Variants in ACOT8 observed in about 807,000 individuals in gnomAD.
ACOT8 encodes acyl-CoA thioesterase 8.
In ACOT8, 31 loss-of-function variants were observed where a neutral mutation model predicts 38.4. The observed-to-expected ratio is 0.81, with a 90% CI of 0.61 to 1.09. The LOEUF (loss-of-function observed/expected upper bound fraction) is 1.09, where lower values mean the gene tolerates loss of function less well. ACOT8 is among the 50% of genes least tolerant of loss of function. The pLI is 0.00. For missense variants in ACOT8, 373 were observed against 421.8 expected (o/e 0.88, Z 1.01); for synonymous variants, 158 against 170.3 (o/e 0.93, Z 0.56).
intron 2 of ACOT8, chr20:45,849,193 A>G (rs1984897952): frequency 6.6e-6 from 1 of 152,562 alleles, no homozygotes. Context: ...TAGATCAGGG[A>G]GCAGTAAATC....
At chr20:45,842,571 G>A in intron 5 of ACOT8, 11 of 995,654 alleles carry the variant, frequency 1.1e-5, no homozygotes, top group Non-Finnish European at 1.3e-5. Flanking sequence ...TCCCCATCTG[G>A]AGACTCTTTC....
chr20:45,855,920 C>T (rs1400852116), intron 1 of ACOT8, among the ~76,000 whole-genome samples: 1 of 152,162 alleles, frequency 6.6e-6, no homozygotes. Context: ...TGTCTCTAGC[C>T]TCCCACGTCC....
chr20:45,843,643 G>C lies in ACOT8; in HGVS notation c.725C>G (p.Pro242Arg), dbSNP rs1318711288. The C allele has an allele frequency of 6.2e-7, 1 of 1,613,836 alleles. No homozygotes were observed. Among genetic ancestry groups the C allele is most frequent in the Non-Finnish European group, 8.5e-7 (1 of 1,179,760 alleles). ...DYAFLGTALL[P>R]HQWQHKVHFM... ...GTGCACCTTGTGCTGCCACTGGTGA[G>C]GCAGCAGTGCAGTGCCCAAGAAGGC... The change falls in exon 5 of 6, where the codon CCT becomes CGT. Residue 242 changes from proline to arginine, a missense_variant. By Grantham distance (103) the Pro-to-Arg change is moderately radical (BLOSUM62 -2). Transcript: ENST00000217455.
At chr20:45,843,930 C>T in intron 4 of ACOT8, 3 of 1,067,136 alleles carry the variant, frequency 2.8e-6, no homozygotes, top group Non-Finnish European at 3.9e-6. Context: ...ATTCAGTCTT[C>T]ACCACCCAAG....
chr20:45,848,813 G>T, intron 2 of ACOT8, 138 bp from the exon 3 acceptor site: 1 of 702,638 alleles, frequency 1.4e-6, no homozygotes, highest in Non-Finnish European at 2.2e-6. Context: ...CCAGGCCCAG[G>T]GATACAGAGA....
In ACOT8 at chr20:45,843,868, G is replaced by A. The variant is rs1166849511; in HGVS notation, c.647-147C>T. ...TGGCCTACAGTGTGTGTGTGTGATA[G>A]GGGAGAAGTGAGATGGCGACTTGGG... On this transcript the variant is annotated intron_variant, in intron 4 of 5. Transcript: ENST00000217455. 3 of 1,423,638 alleles carry A rather than the reference G, an allele frequency of 2.1e-6. No homozygotes were observed. The East Asian group carries it at 7.5e-5, about 36-fold the overall frequency. The allele number at this position is 1,423,638 out of a possible 1,614,324, so 88.2% of individuals were successfully genotyped here.
rs372337546 is a variant in ACOT8 at position 45,843,687 on chromosome 20, G to A, written c.681C>T (p.Ala227=). Residue 227 remains alanine, a synonymous_variant, in exon 5 of 6, where the codon GCC becomes GCT. Coordinates refer to ENST00000217455, the MANE Select transcript of ACOT8 (RefSeq NM_005469.4). Reference sequence around the variant, plus strand: ...AGAAGGCATAGTCGGAGATATAGGCGGCCACGCAGCAGTGCATCTTCATGT... The same window carrying A: ...AGAAGGCATAGTCGGAGATATAGGCAGCCACGCAGCAGTGCATCTTCATGT... ...EGDMKMHCCV[A]AYISDYAFLG... is the part of the protein sequence containing the mutation. 14 of 1,611,462 alleles carry A rather than the reference G, an allele frequency of 8.7e-6. No homozygotes were observed. The highest frequency in any genetic ancestry group is 1.3e-5 in the African/African-American group (1 of 74,882).
At position 45,848,692 on chromosome 20, in the gene ACOT8, G is replaced by A; in HGVS notation, c.263-17C>T. 3 of 1,585,942 alleles carry A rather than the reference G, an allele frequency of 1.9e-6. No individual in the cohort carries two copies. The highest frequency in any genetic ancestry group is 2.6e-6 in the Non-Finnish European group (3 of 1,162,934). On this transcript the variant is annotated splice_polypyrimidine_tract_variant and intron_variant, in intron 2 of 5. Coordinates refer to ENST00000217455, the MANE Select transcript of ACOT8 (RefSeq NM_005469.4). ...TCGGGTCCCCTGCAGTGGGCACAAG[G>A]ACACAGTGGGTCCACAGGCCCTGTC...
intron 3 of ACOT8, among the ~76,000 whole-genome samples, chr20:45,844,922 T>C (rs1984567641): frequency 6.6e-6 from 1 of 152,072 alleles, no homozygotes; most frequent in Admixed American, 6.6e-5. Flanking sequence ...ACAGTATGAT[T>C]ATTTTCTATT....
At chr20:45,854,042 C>G in intron 2 of ACOT8, 2 of 1,186,310 alleles carry the variant, frequency 1.7e-6, no homozygotes, top group South Asian at 2.7e-5. Context: ...TGTTTTTTAG[C>G]ATAGGTTTTG....
intron 2 of ACOT8, among the ~76,000 whole-genome samples, chr20:45,852,012 T>TG (rs1259221703): frequency 1.3e-5 from 2 of 152,100 alleles, no homozygotes; most frequent in African/African-American, 4.8e-5. Flanking sequence ...TTTTTTGAGA[T>TG]GGAGTCTCGA....
chr20:45,841,764 G>A lies in ACOT8; in HGVS notation c.*74C>T, dbSNP rs1273757984. 6.7e-7 allele frequency: 1 copy of A among 1,484,494 alleles called. No individual in the cohort carries two copies. Among genetic ancestry groups the A allele is most frequent in the African/African-American group, 1.4e-5 (1 of 70,980 alleles). 92.0% of individuals were successfully genotyped at this position (1,484,494 alleles called of 1,614,324 possible). A position where few individuals can be genotyped will look rare whatever the true frequency, so the allele number is the denominator to read the frequency against. On this transcript the variant is annotated 3_prime_UTR_variant, in exon 6 of 6. Coordinates refer to ENST00000217455, the MANE Select transcript of ACOT8 (RefSeq NM_005469.4). ...TTTATTGGATGTGAGGGCCAAAAGGGACTGTAACTCCTGTCTCAGGAATGG... is the reference window on the plus strand; with the variant it reads ...TTTATTGGATGTGAGGGCCAAAAGGAACTGTAACTCCTGTCTCAGGAATGG...
intron 3 of ACOT8, among the ~76,000 whole-genome samples, chr20:45,846,721 G>A (rs1446746087): frequency 2.0e-5 from 3 of 152,146 alleles, no homozygotes; most frequent in African/African-American, 7.2e-5. Context: ...GCACAGCCCT[G>A]GACAGAATCC....
chr20:45,851,654 C>T (rs938871190), intron 2 of ACOT8, among the ~76,000 whole-genome samples: 2 of 152,226 alleles, frequency 1.3e-5, no homozygotes, highest in African/African-American at 4.8e-5. Context: ...CTCTTACCCC[C>T]ATTGTACAGA....
At chr20:45,854,277 T>C (rs1054421499) in intron 2 of ACOT8, among the ~76,000 whole-genome samples, 1 of 107,844 alleles carries the variant, frequency 9.3e-6, no homozygotes, top group South Asian at 2.6e-4. Flanking sequence ...TGGCACGATC[T>C]TGGCTCACTG....
intron 5 of ACOT8, chr20:45,842,805 T>C: frequency 1.0e-6 from 1 of 990,832 alleles, no homozygotes; most frequent in Non-Finnish European, 1.2e-6. Context: ...CAATCTTGGA[T>C]TGTGATGCTA....
chr20:45,843,626 T>C lies in ACOT8; in HGVS notation c.742A>G (p.Lys248Glu), dbSNP rs780341655. ...TCCAGTGAGACCATGAAGTGCACCT[T>C]GTGCTGCCACTGGTGAGGCAGCAGT... is the stretch of plus-strand genomic sequence containing the variant. ...TALLPHQWQHKVHFMVSLDHS... is the reference protein window; with the variant it reads ...TALLPHQWQHEVHFMVSLDHS... Residue 248 changes from lysine to glutamate, a missense_variant, in exon 5 of 6, where the codon AAG becomes GAG. Lys to Glu is a moderately conservative substitution (Grantham distance 56). Transcript: ENST00000217455. 1.4e-5 allele frequency: 23 copies of C among 1,613,822 alleles called. No individual in the cohort carries two copies. Among genetic ancestry groups the C allele is most frequent in the Non-Finnish European group, 1.9e-5 (23 of 1,179,762 alleles).
Position 45,848,951 on chromosome 20 carries a change from C to A in ACOT8, c.263-276G>T, listed in dbSNP as rs556505283. ...CTCCACCACTCACCAGCCGTGTGAC[C>A]CTTCACTTCTCTGAGCAGTGTGCTT... On this transcript the variant is annotated intron_variant, in intron 2 of 5. Coordinates refer to ENST00000217455, the MANE Select transcript of ACOT8 (RefSeq NM_005469.4). 2.4e-5 allele frequency: 9 copies of A among 376,420 alleles called. No individual in the cohort carries two copies. In the South Asian group the frequency reaches 6.5e-4, roughly 27 times the overall value. 23.3% of individuals were successfully genotyped at this position (376,420 alleles called of 1,614,324 possible).
At position 45,857,327 on chromosome 20, in the gene ACOT8, C is replaced by A. The variant is rs965119125; in HGVS notation, c.-12G>T. On this transcript the variant is annotated 5_prime_UTR_variant, in exon 1 of 6. Transcript: ENST00000217455. ...TGCGGGGACGACATCTAGTTCAATGCTGCAGGCCCTGCACACCCGCTCCGC... is the reference window on the plus strand; with the variant it reads ...TGCGGGGACGACATCTAGTTCAATGATGCAGGCCCTGCACACCCGCTCCGC... The A allele has an allele frequency of 9.4e-6, 15 of 1,588,778 alleles. No homozygotes were observed. Among genetic ancestry groups the A allele is most frequent in the Admixed American group, 5.4e-5 (3 of 55,864 alleles).
Sources: allele counts gnomAD v4.1 joint callset (sites outside exome capture counted in the v4.1 genomes callset), GRCh38; gene constraint gnomAD v4.1.1; transcripts MANE v1.5; gene names NCBI Gene and HGNC (gene_info 2026-07-23, HGNC 2026-07-21).